PSD3: variants seen among roughly 807,000 people sequenced by gnomAD.
PSD3 encodes the protein pleckstrin and Sec7 domain containing 3.
In PSD3, 49 loss-of-function variants were observed where a neutral mutation model predicts 105.5. The observed-to-expected ratio is 0.46, with a 90% CI of 0.37 to 0.59. PSD3 has a LOEUF of 0.59. Among genes scored for constraint, PSD3 ranks in the 20% least tolerant of loss-of-function variants. The pLI, the probability that PSD3 is intolerant of heterozygous loss-of-function variation, is 0.00. For synonymous variants in PSD3, 557 were observed against 457.8 expected (o/e 1.22, Z -2.77); for missense variants, 1,561 against 1,263.8 (o/e 1.24, Z -3.57).
At chr8:18,638,879 C>T (rs1465420009) in intron 10 of PSD3, among the ~76,000 whole-genome samples, 1 of 152,112 alleles carries the variant, frequency 6.6e-6, no homozygotes, top group African/African-American at 2.4e-5. Context: ...GGTATAAAAA[C>T]AGAAAGCCCA....
intron 12 of PSD3, among the ~76,000 whole-genome samples, chr8:18,591,622 C>G (rs542056750): frequency 2.9e-4 from 44 of 152,266 alleles, no homozygotes; most frequent in African/African-American, 1.1e-3. Flanking sequence ...AGTAGAGAGA[C>G]AGGTGGCTTG....
At chr8:18,621,228 C>T (rs1437833875) in intron 11 of PSD3, among the ~76,000 whole-genome samples, 1 of 152,110 alleles carries the variant, frequency 6.6e-6, no homozygotes, top group Non-Finnish European at 1.5e-5. Context: ...GCCAACACAG[C>T]AAAACCGCTT....
At chr8:18,832,170 G>A (rs1196021165) in intron 4 of PSD3, among the ~76,000 whole-genome samples, 1 of 152,126 alleles carries the variant, frequency 6.6e-6, no homozygotes, top group Non-Finnish European at 1.5e-5. Context: ...TTATGAGCCA[G>A]CCTGCCATTT....
intron 8 of PSD3, among the ~76,000 whole-genome samples, chr8:18,789,096 C>G (rs1397136371): frequency 1.3e-5 from 2 of 152,006 alleles, no homozygotes; most frequent in Non-Finnish European, 2.9e-5. Flanking sequence ...AATATCCTGC[C>G]TTTGAAAAAG....
At chr8:19,045,962 C>T (rs1828302907) in intron 1 of PSD3, among the ~76,000 whole-genome samples, 1 of 152,238 alleles carries the variant, frequency 6.6e-6, no homozygotes, top group Admixed American at 6.5e-5. Context: ...CTATAACCAT[C>T]ATCCCTTATC....
intron 12 of PSD3, among the ~76,000 whole-genome samples, chr8:18,596,402 T>A (rs906281263): frequency 6.7e-6 from 1 of 149,832 alleles, no homozygotes; most frequent in Non-Finnish European, 1.5e-5. Context: ...ATAAACGAAA[T>A]AGAGAAATGA....
intron 2 of PSD3, among the ~76,000 whole-genome samples, chr8:18,880,310 G>A (rs1205190745): frequency 6.6e-6 from 1 of 152,004 alleles, no homozygotes; most frequent in South Asian, 2.1e-4. Flanking sequence ...ATTCATTCAC[G>A]CATTCAGCAA....
At chr8:18,659,725 C>T (rs983405692) in intron 9 of PSD3, among the ~76,000 whole-genome samples, 17 of 152,298 alleles carry the variant, frequency 1.1e-4, no homozygotes, top group East Asian at 1.9e-4. Context: ...ATGCTTGAAG[C>T]GCCTTTGTTG....
In PSD3 at chr8:18,632,628, T is replaced by C. The variant is rs1405843057; in HGVS notation, c.2395A>G (p.Met799Val). The change falls in exon 11 of 16, where the codon ATG becomes GTG. Residue 799 changes from methionine (M) to valine (V), a missense_variant. By Grantham distance (21) the Met-to-Val change is conservative. Transcript: ENST00000327040. ...GFLARKIHAD[M>V]DGKKTPRGKR... ...TGATACTTACTCTTCTTTCCATCCATATCTGCATGAATTTTCCGAGCCAAG... is the reference window on the plus strand; with the variant it reads ...TGATACTTACTCTTCTTTCCATCCACATCTGCATGAATTTTCCGAGCCAAG... 3.1e-6 allele frequency: 5 copies of C among 1,611,878 alleles called. 1 individual carries two copies. In the South Asian group the frequency reaches 3.3e-5, roughly 11 times the overall value.
chr8:18,667,728 G>A (rs1799555657), intron 9 of PSD3, among the ~76,000 whole-genome samples: 1 of 152,232 alleles, frequency 6.6e-6, no homozygotes, highest in African/African-American at 2.4e-5. Flanking sequence ...GCGGAGCAGG[G>A]GGCGGTACTC....
chr8:18,780,880 G>T (rs1264792800), intron 8 of PSD3, among the ~76,000 whole-genome samples: 1 of 152,140 alleles, frequency 6.6e-6, no homozygotes, highest in Non-Finnish European at 1.5e-5. Context: ...TATGTGTTTT[G>T]ATTATGACAG....
intron 11 of PSD3, among the ~76,000 whole-genome samples, chr8:18,614,216 T>C (rs1201894880): frequency 6.6e-6 from 1 of 152,166 alleles, no homozygotes; most frequent in Non-Finnish European, 1.5e-5. Context: ...TTTGGGTCAG[T>C]TAACAGCTGT....
intron 1 of PSD3, among the ~76,000 whole-genome samples, chr8:18,955,198 A>G (rs1256573801): frequency 6.6e-6 from 1 of 152,152 alleles, no homozygotes; most frequent in Non-Finnish European, 1.5e-5. Flanking sequence ...TCTGGAATCT[A>G]TCTGAAGGGG....
At chr8:18,666,549 C>T (rs952497261) in intron 9 of PSD3, among the ~76,000 whole-genome samples, 7 of 152,170 alleles carry the variant, frequency 4.6e-5, no homozygotes, top group African/African-American at 1.7e-4. Context: ...AATGCTGGTT[C>T]ATCATCAAAA....
intron 4 of PSD3, among the ~76,000 whole-genome samples, chr8:18,832,790 T>C (rs1443742240): frequency 6.6e-6 from 1 of 152,180 alleles, no homozygotes; most frequent in Non-Finnish European, 1.5e-5. Flanking sequence ...AAAGAGCAGG[T>C]GCAGGGGAAC....
intron 1 of PSD3, among the ~76,000 whole-genome samples, chr8:18,963,773 G>T (rs1257278548): frequency 1.3e-5 from 2 of 152,180 alleles, no homozygotes; most frequent in African/African-American, 4.8e-5. Context: ...TTTGTTCATA[G>T]TTAAAATATA....
At chr8:18,787,622 A>G (rs1298851476) in intron 8 of PSD3, among the ~76,000 whole-genome samples, 2 of 152,124 alleles carry the variant, frequency 1.3e-5, no homozygotes, top group Non-Finnish European at 2.9e-5. Context: ...AATACTCTCT[A>G]TATCGGAGGC....
chr8:18,927,634 C>T (rs1010585698), intron 2 of PSD3, among the ~76,000 whole-genome samples: 3 of 152,190 alleles, frequency 2.0e-5, no homozygotes, highest in Non-Finnish European at 1.5e-5. Flanking sequence ...GCCACTGACC[C>T]GGGGGCTCTG....
intron 2 of PSD3, among the ~76,000 whole-genome samples, chr8:18,910,656 A>AG (rs1563410448): frequency 6.7e-6 from 1 of 149,550 alleles, no homozygotes; most frequent in Non-Finnish European, 1.5e-5. Context: ...AAAAAAAAAA[A>AG]AAAGAAAAGT....
Sources: allele counts gnomAD v4.1 joint callset (sites outside exome capture counted in the v4.1 genomes callset), GRCh38; gene constraint gnomAD v4.1.1; transcripts MANE v1.5; gene names NCBI Gene and HGNC (gene_info 2026-07-23, HGNC 2026-07-21).